The following ERC2 variants were observed in gnomAD, a reference collection of about 807,000 sequenced individuals.
ERC2 encodes ERC protein 2.
A neutral mutation model predicts 114.8 loss-of-function variants in ERC2; 42 were observed. The ratio of observed to expected loss-of-function variants is 0.37; its 90% CI spans 0.29 to 0.47. ERC2 has a LOEUF of 0.47. Ranked by LOEUF, ERC2 falls within the 20% of genes least tolerant of loss-of-function variation. ERC2 has a pLI of 0.99. For missense variants in ERC2, 939 were observed against 1,150.7 expected (o/e 0.82, Z 2.66); for synonymous variants, 454 against 425.5 (o/e 1.07, Z -0.82).
intron 17 of ERC2, among the ~76,000 whole-genome samples, chr3:55,590,723 T>C (rs776410056): frequency 9.9e-5 from 15 of 152,212 alleles, no homozygotes; most frequent in Non-Finnish European, 1.5e-4. Context: ...CAGGAAAACA[T>C]TGGGAAAGAC....
chr3:55,663,377 A>G (rs1439092033), intron 17 of ERC2, among the ~76,000 whole-genome samples: 1 of 152,244 alleles, frequency 6.6e-6, no homozygotes, highest in Non-Finnish European at 1.5e-5. Flanking sequence ...TCATCAGTGA[A>G]GTGGGGCTAG....
intron 3 of ERC2, among the ~76,000 whole-genome samples, chr3:56,277,777 A>T (rs1482297827): frequency 1.3e-5 from 2 of 151,884 alleles, no homozygotes; most frequent in Middle Eastern, 3.4e-3. Context: ...TAGTATAAAC[A>T]TCTAATTTTC....
intron 14 of ERC2, among the ~76,000 whole-genome samples, chr3:55,821,997 T>C (rs2149158230): frequency 6.6e-6 from 1 of 152,372 alleles, no homozygotes; most frequent in East Asian, 1.9e-4. Context: ...TGATCTTTCC[T>C]TTGATGTTTC....
chr3:55,864,715 C>G (rs1172028002), intron 14 of ERC2, among the ~76,000 whole-genome samples: 1 of 152,094 alleles, frequency 6.6e-6, no homozygotes, highest in Admixed American at 6.6e-5. Flanking sequence ...GCCTCAGAAG[C>G]CCTTCAAACT....
At chr3:56,113,766 G>T (rs902952062) in intron 6 of ERC2, among the ~76,000 whole-genome samples, 2 of 152,132 alleles carry the variant, frequency 1.3e-5, no homozygotes, top group Non-Finnish European at 2.9e-5. Context: ...CCAATTGCAT[G>T]TAGTGGGTCC....
chr3:55,634,145 G>T (rs2059862702), intron 17 of ERC2, among the ~76,000 whole-genome samples: 1 of 152,184 alleles, frequency 6.6e-6, no homozygotes, highest in African/African-American at 2.4e-5. Context: ...AGCTCTGAAG[G>T]GGTGGTGAGG....
At chr3:55,690,256 G>C (rs190400909) in intron 16 of ERC2, among the ~76,000 whole-genome samples, 1 of 152,196 alleles carries the variant, frequency 6.6e-6, no homozygotes, top group Admixed American at 6.5e-5. Context: ...TCCTCTGCTG[G>C]TCCCTTATCT....
intron 7 of ERC2, among the ~76,000 whole-genome samples, chr3:56,071,204 G>A (rs548631648): frequency 6.6e-6 from 1 of 152,340 alleles, no homozygotes; most frequent in East Asian, 1.9e-4. Context: ...TGGCTGGACA[G>A]CAGGAGGGCA....
At chr3:56,407,993 A>G (rs2060793583) in intron 2 of ERC2, among the ~76,000 whole-genome samples, 1 of 152,180 alleles carries the variant, frequency 6.6e-6, no homozygotes, top group South Asian at 2.1e-4. Context: ...GCACAAAGCC[A>G]AAGGAGGTCC....
chr3:56,425,369 C>A (rs945291684), intron 2 of ERC2, among the ~76,000 whole-genome samples: 1 of 152,042 alleles, frequency 6.6e-6, no homozygotes, highest in African/African-American at 2.4e-5. Context: ...CCAAGACCGC[C>A]CACCACACAG....
Position 55,718,814 on chromosome 3 carries a change from A to G in ERC2, c.2712+15957T>C, listed in dbSNP as rs140192835. Among the ~76,000 whole-genome samples the G allele has an allele frequency of 2.6e-5, 4 of 152,332 alleles. No homozygotes were observed. In the East Asian group the frequency reaches 5.8e-4, roughly 22 times the overall value. On this transcript the variant is annotated intron_variant, in intron 15 of 17. Transcript: ENST00000288221. The stretch of plus-strand genomic sequence containing the variant: ...TTCTGGTCTTGGTCAGGACATTAAT[A>G]TTTGTTGAACAGCATGTTTTTAAAG...
At chr3:55,750,733 C>T (rs140353566) in intron 14 of ERC2, among the ~76,000 whole-genome samples, 54 of 152,288 alleles carry the variant, frequency 3.5e-4, no homozygotes, top group African/African-American at 1.3e-3. Context: ...TGCTAGAATA[C>T]CACCACCAAG....
chr3:55,589,386 C>G (rs913053872), intron 17 of ERC2, among the ~76,000 whole-genome samples: 3 of 152,086 alleles, frequency 2.0e-5, no homozygotes, highest in African/African-American at 7.2e-5. Flanking sequence ...AAAAGGCACC[C>G]TTCTTCAAGA....
chr3:55,923,341 T>C (rs2065546294), intron 13 of ERC2, among the ~76,000 whole-genome samples: 1 of 152,084 alleles, frequency 6.6e-6, no homozygotes, highest in South Asian at 2.1e-4. Flanking sequence ...ATTAAATTCA[T>C]AAAGCCAGAA....
rs59471652 is a variant in ERC2 at position 56,087,179 on chromosome 3, T to TTGTGTGTGTG, written c.1474-6205_1474-6196dup. Among the ~76,000 whole-genome samples the TTGTGTGTGTG allele has an allele frequency of 3.8e-3, 556 of 147,468 alleles. 3 individuals are homozygous for TTGTGTGTGTG. The highest frequency in any genetic ancestry group is 0.013 in the African/African-American group (515 of 40,134). ...AATTGCTCATTTCCTTTTGATCCAT[T>TTGTGTGTGTG]TGTGTGTGTGTGTGTGTGTGTGTGT... On this transcript the variant is annotated intron_variant, in intron 6 of 17. Transcript: ENST00000288221.
At chr3:56,384,757 C>G (rs562733072) in intron 2 of ERC2, among the ~76,000 whole-genome samples, 1 of 152,142 alleles carries the variant, frequency 6.6e-6, no homozygotes, top group South Asian at 2.1e-4. Context: ...GGTGTCCTAC[C>G]TAAGATATCA....
chr3:55,887,902 TTC>T (rs1425526869), intron 14 of ERC2, among the ~76,000 whole-genome samples: 13 of 152,374 alleles, frequency 8.5e-5, no homozygotes, highest in African/African-American at 3.1e-4. Flanking sequence ...AAGTTTCACT[TTC>T]TGAACAAAGA....
intron 2 of ERC2, among the ~76,000 whole-genome samples, chr3:56,410,849 T>C (rs1025119808): frequency 6.6e-6 from 1 of 152,104 alleles, no homozygotes; most frequent in African/African-American, 2.4e-5. Context: ...TATCTGAAAG[T>C]CTGTCTTCCA....
intron 12 of ERC2, among the ~76,000 whole-genome samples, chr3:55,967,636 T>G (rs2068838684): frequency 6.6e-6 from 1 of 152,126 alleles, no homozygotes; most frequent in African/African-American, 2.4e-5. Flanking sequence ...AAAGCAACAT[T>G]TTATCTGCTG....
Sources: gnomAD v4.1 joint callset for allele counts (sites outside exome capture counted in the v4.1 genomes callset) on GRCh38, gnomAD v4.1.1 for gene constraint, MANE v1.5 for transcripts, NCBI Gene and HGNC (gene_info 2026-07-23, HGNC 2026-07-21) for gene names.